The following EMID1 variants were observed in gnomAD, a reference collection of about 807,000 sequenced individuals.
EMID1 encodes the protein EMI domain containing 1, also known as EMI domain-containing protein 1.
Under a neutral mutation model 60.6 loss-of-function variants are expected in EMID1, and 40 were observed. The ratio of observed to expected loss-of-function variants is 0.66; its 90% confidence interval spans 0.51 to 0.86. The LOEUF (loss-of-function observed/expected upper bound fraction) is 0.86, where lower values mean the gene tolerates loss of function less well. Ranked by LOEUF, EMID1 falls within the 40% of genes least tolerant of loss-of-function variation. The pLI is 0.00. For missense variants in EMID1, 585 were observed against 597.1 expected (o/e 0.98, Z 0.21); for synonymous variants, 242 against 231.0 (o/e 1.05, Z -0.43).
At chr22:29,250,733 ATTTTTTTTTT>A (rs748172215) in intron 13 of EMID1, among the ~76,000 whole-genome samples, 18 of 22,486 alleles carry the variant, frequency 8.0e-4, no homozygotes, top group South Asian at 1.6e-3. Context: ...CACCCGGCTA[ATTTTTTTTTT>A]TTTTTTTTTT....
intron 1 of EMID1, among the ~76,000 whole-genome samples, chr22:29,206,781 C>T (rs1436227691): frequency 6.6e-6 from 1 of 152,156 alleles, no homozygotes; most frequent in Non-Finnish European, 1.5e-5. Context: ...ATATAGTGTC[C>T]TCATCAATCC....
At position 29,231,014 on chromosome 22, in the gene EMID1, C is replaced by T; in HGVS notation, c.466-6C>T. 6.2e-7 allele frequency: 1 copy of T among 1,612,448 alleles called. No individual in the cohort carries two copies. Among genetic ancestry groups the T allele is most frequent in the Non-Finnish European group, 8.5e-7 (1 of 1,179,080 alleles). On this transcript the variant is annotated splice_region_variant and splice_polypyrimidine_tract_variant and intron_variant, in intron 5 of 14. Transcript: ENST00000334018. ...GTACCCACCCCGTCCCTGTCTTCCT[C>T]TTCAGATGACCATGCTGACTGTCAT...
At chr22:29,232,085 G>C in intron 7 of EMID1, 171 bp from the exon 8 acceptor site, 3 of 675,464 alleles carry the variant, frequency 4.4e-6, no homozygotes, top group Non-Finnish European at 7.5e-6. Context: ...ACGAGGTGGA[G>C]AACTAGGTGC....
In EMID1 at chr22:29,243,501, C is replaced by T. The variant is rs1483847272; in HGVS notation, c.1119+12C>T. 6.2e-7 allele frequency: 1 copy of T among 1,613,896 alleles called. No homozygotes were observed. The highest frequency in any genetic ancestry group is 8.5e-7 in the Non-Finnish European group (1 of 1,179,860). On this transcript the variant is annotated intron_variant, in intron 13 of 14. Coordinates refer to ENST00000334018, the MANE Select transcript of EMID1 (RefSeq NM_133455.4). ...AGAAGAGCCACTGGGTAAGCTCTGG[C>T]CTGGCACTGGCCTCTCCCTGCCTTC... is the stretch of plus-strand genomic sequence containing the variant.
intron 13 of EMID1, among the ~76,000 whole-genome samples, chr22:29,249,587 A>AT (rs1267032933): frequency 7.2e-6 from 1 of 139,568 alleles, no homozygotes; most frequent in East Asian, 2.1e-4. Flanking sequence ...AAATACCTTT[A>AT]TTATTTATTT....
intron 1 of EMID1, among the ~76,000 whole-genome samples, chr22:29,208,040 T>C (rs1249238299): frequency 2.0e-5 from 3 of 152,186 alleles, no homozygotes; most frequent in East Asian, 3.8e-4. Flanking sequence ...TCTTTCCTCG[T>C]GGGAAGGACC....
chr22:29,235,172 A>AC (rs2040897327), intron 12 of EMID1, among the ~76,000 whole-genome samples: 1 of 151,704 alleles, frequency 6.6e-6, no homozygotes, highest in African/African-American at 2.4e-5. Flanking sequence ...ACATGGTGAA[A>AC]CCCCGTCTCT....
intron 14 of EMID1, among the ~76,000 whole-genome samples, chr22:29,256,349 C>G (rs146006873): frequency 6.6e-6 from 1 of 151,446 alleles, no homozygotes; most frequent in African/African-American, 2.4e-5. Flanking sequence ...CCCGTAATCC[C>G]AGCTACTCGG....
At chr22:29,220,730 G>A (rs373073592) in intron 3 of EMID1, among the ~76,000 whole-genome samples, 2 of 151,944 alleles carry the variant, frequency 1.3e-5, no homozygotes, top group African/African-American at 4.8e-5. Context: ...AGCCCCCCTC[G>A]TCCCACTGCA....
At position 29,215,011 on chromosome 22, in the gene EMID1, C is replaced by T. The variant is rs1294900606; in HGVS notation, c.187C>T (p.Pro63Ser). 1.3e-6 allele frequency: 2 copies of T among 1,549,776 alleles called. No individual in the cohort carries two copies. Among genetic ancestry groups the T allele is most frequent in the South Asian group, 1.2e-5 (1 of 83,600 alleles). The change falls in exon 2 of 15, where the codon CCC (proline) becomes TCC (serine). Residue 63 changes from proline (P) to serine (S), a missense_variant. By Grantham distance (74) the Pro-to-Ser change is moderately conservative. Coordinates refer to ENST00000334018, the MANE Select transcript of EMID1 (RefSeq NM_133455.4). ...TYLQRVLQNC[P>S]WPMSCPGSSY... is the part of the protein sequence containing the mutation. ...CCTTCAGCGAGTGCTGCAGAACTGC[C>T]CCTGGCCCATGAGCTGTCCGGGGAG... is the stretch of plus-strand genomic sequence containing the variant.
intron 6 of EMID1, 177 bp from the exon 7 acceptor site, chr22:29,231,416 C>A: frequency 1.2e-6 from 1 of 826,826 alleles, no homozygotes; most frequent in Non-Finnish European, 2.0e-6. Flanking sequence ...CTCCTCCAGG[C>A]CCAGCAGGGA....
At chr22:29,255,928 G>A (rs1721734965) in intron 14 of EMID1, among the ~76,000 whole-genome samples, 2 of 152,198 alleles carry the variant, frequency 1.3e-5, no homozygotes, top group Admixed American at 6.5e-5. Context: ...TAGAAGGCAG[G>A]TTGGGGTAGT....
chr22:29,240,418 T>C (rs2041110807), intron 12 of EMID1, among the ~76,000 whole-genome samples: 1 of 151,998 alleles, frequency 6.6e-6, no homozygotes, highest in Non-Finnish European at 1.5e-5. Context: ...ATGTCTGGGG[T>C]CCAGGGTCAA....
chr22:29,219,343 A>C (rs1911906173), intron 3 of EMID1, among the ~76,000 whole-genome samples: 1 of 151,924 alleles, frequency 6.6e-6, no homozygotes, highest in African/African-American at 2.4e-5. Context: ...GGCCCCCTGG[A>C]GCTGGGCTGC....
intron 14 of EMID1, among the ~76,000 whole-genome samples, chr22:29,258,532 T>C (rs2041786927): frequency 6.6e-6 from 1 of 152,218 alleles, no homozygotes; most frequent in South Asian, 2.1e-4. Context: ...AAGCATTCAC[T>C]GCATCTAAAC....
At chr22:29,231,985 G>A in intron 7 of EMID1, 1 of 589,390 alleles carries the variant, frequency 1.7e-6, no homozygotes, top group Non-Finnish European at 3.0e-6. Flanking sequence ...CTGGGCAGAG[G>A]AGAAGCAGCA....
chr22:29,255,189 CTCCCACCCT>C, intron 14 of EMID1: 2 of 466,332 alleles, frequency 4.3e-6, no homozygotes, highest in East Asian at 3.6e-5. Context: ...TGGCAGTGCC[CTCCCACCCT>C]CCCCGCTTGG....
At chr22:29,239,746 T>C (rs563098737) in intron 12 of EMID1, among the ~76,000 whole-genome samples, 1 of 150,486 alleles carries the variant, frequency 6.6e-6, no homozygotes, top group South Asian at 2.1e-4. Context: ...TGGAGTCCTA[T>C]GATTAGATCT....
intron 1 of EMID1, among the ~76,000 whole-genome samples, chr22:29,207,563 A>G (rs1397609077): frequency 6.6e-6 from 1 of 152,204 alleles, no homozygotes; most frequent in Admixed American, 6.5e-5. Context: ...CCCTGCAGCC[A>G]GTTCAAGGCA....
Sources: gnomAD v4.1 joint callset for allele counts (sites outside exome capture counted in the v4.1 genomes callset) on GRCh38, gnomAD v4.1.1 for gene constraint, MANE v1.5 for transcripts, NCBI Gene and HGNC (gene_info 2026-07-23, HGNC 2026-07-21) for gene names.